C5: variants seen among roughly 807,000 people sequenced by gnomAD.
The protein encoded by C5 is C3 and PZP-like alpha-2-macroglobulin domain-containing protein 4.
A neutral mutation model predicts 218.8 loss-of-function variants in C5; 140 were observed. The ratio of observed to expected loss-of-function variants is 0.64; its 90% CI spans 0.56 to 0.74. The LOEUF is 0.74. Among genes scored for constraint, C5 ranks in the 30% least tolerant of loss-of-function variants. C5 has a pLI of 0.00. For synonymous variants in C5, 614 were observed against 682.3 expected (o/e 0.90, Z 1.56); for missense variants, 1,700 against 1,969.6 (o/e 0.86, Z 2.59).
chr9:120,972,960 G>A (rs1440504222), intron 30 of C5, among the ~76,000 whole-genome samples: 3 of 152,202 alleles, frequency 2.0e-5, no homozygotes, highest in Admixed American at 6.5e-5. Flanking sequence ...TTTGGGAAAT[G>A]CTGTGCACTG....
chr9:121,073,676 G>A, the C5 span, among the ~76,000 whole-genome samples: 2 of 151,964 alleles, frequency 1.3e-5, no homozygotes, highest in Non-Finnish European at 2.9e-5. Flanking sequence ...ACCACGCCCG[G>A]GTAATTTTTG....
At position 120,991,929 on chromosome 9, in the gene C5, T is replaced by C. The variant is rs538767487; in HGVS notation, c.2852-649A>G. Among the ~76,000 whole-genome samples the C allele has an allele frequency of 3.3e-5, 5 of 152,352 alleles. No homozygotes were observed. The South Asian group carries it at 1.0e-3, about 32-fold the overall frequency. ...TTAGGTCTATTTTCATTAGTTTAAT[T>C]TTATAGATGAGGAAATTGAGGCTTA... is the stretch of plus-strand genomic sequence containing the variant. On this transcript the variant is annotated intron_variant, in intron 22 of 40. Transcript: ENST00000223642.
chr9:120,981,839 C>T lies in C5; in HGVS notation c.3486+5G>A. 1 of 1,600,762 alleles carries T rather than the reference C, an allele frequency of 6.2e-7. No individual in the cohort carries two copies. Among genetic ancestry groups the T allele is most frequent in the South Asian group, 1.1e-5 (1 of 90,836 alleles). Reference sequence around the variant, plus strand: ...GGGTGTGAGAGAAAGAAAACTCTTACTTACCACCAGGGGGCATATATCGAA... The same window carrying T: ...GGGTGTGAGAGAAAGAAAACTCTTATTTACCACCAGGGGGCATATATCGAA... On this transcript the variant is annotated splice_donor_5th_base_variant and intron_variant, in intron 27 of 40. Coordinates refer to ENST00000223642, the MANE Select transcript of C5 (RefSeq NM_001735.3).
chr9:121,057,083 G>A, the C5 span, among the ~76,000 whole-genome samples: 7 of 152,162 alleles, frequency 4.6e-5, no homozygotes, highest in African/African-American at 1.2e-4. Context: ...CATAGTCAAA[G>A]TGCTGAGGAA....
At chr9:121,055,694 C>T in the C5 span, among the ~76,000 whole-genome samples, 1 of 152,304 alleles carries the variant, frequency 6.6e-6, no homozygotes, top group Non-Finnish European at 1.5e-5. Flanking sequence ...CATCTGCTGA[C>T]TAATGTGGCC....
chr9:120,975,024 T>A (rs140226394), intron 29 of C5, 93 bp from the exon 30 acceptor site: 14 of 1,427,230 alleles, frequency 9.8e-6, no homozygotes, highest in Non-Finnish European at 1.4e-5. Flanking sequence ...TAGGGCAGCA[T>A]TGTCTGGAGA....
At chr9:121,011,254 AT>A (rs1380592068) in intron 17 of C5, among the ~76,000 whole-genome samples, 1 of 152,214 alleles carries the variant, frequency 6.6e-6, no homozygotes, top group East Asian at 1.9e-4. Context: ...ACAAGAATAT[AT>A]AAGGAGTTCA....
Position 121,030,462 on chromosome 9 carries a change from G to C in C5, c.693C>G (p.Ile231Met), listed in dbSNP as rs763915627. The C allele has an allele frequency of 1.3e-6, 2 of 1,547,246 alleles. No individual in the cohort carries two copies. The highest frequency in any genetic ancestry group is 1.8e-6 in the Non-Finnish European group (2 of 1,142,138). ...EYVLPHFSVSIEPEYNFIGYK... is the reference protein window; with the variant it reads ...EYVLPHFSVSMEPEYNFIGYK... Reference sequence around the variant, plus strand: ...AACCAATGAAATTATATTCTGGCTCGATTGAGACAGAAAAATGTGGCAAGA... The same window carrying C: ...AACCAATGAAATTATATTCTGGCTCCATTGAGACAGAAAAATGTGGCAAGA... Residue 231 changes from isoleucine to methionine, a missense_variant, in exon 7 of 41, where the codon ATC (isoleucine) becomes ATG (methionine). Coordinates refer to ENST00000223642, the MANE Select transcript of C5 (RefSeq NM_001735.3).
intron 25 of C5, 98 bp from the exon 26 acceptor site, chr9:120,982,912 T>G: frequency 1.4e-6 from 1 of 732,280 alleles, no homozygotes; most frequent in Non-Finnish European, 2.2e-6. Context: ...GAAAATAACA[T>G]TTTAAAACAT....
At chr9:120,959,264 C>CTTTT (rs747502247) in intron 38 of C5, among the ~76,000 whole-genome samples, 15 of 73,340 alleles carry the variant, frequency 2.0e-4, no homozygotes, top group Admixed American at 2.0e-3. Context: ...TTCTTTCTTT[C>CTTTT]TTTTTTTTTT....
intron 14 of C5, 25 bp downstream of exon 14, chr9:121,017,337 T>C: frequency 6.2e-7 from 1 of 1,613,016 alleles, no homozygotes; most frequent in Non-Finnish European, 8.5e-7. Flanking sequence ...CATGCAACAC[T>C]GCAGCGAGAC....
chr9:121,015,145 G>T, intron 16 of C5, 54 bp downstream of exon 16: 1 of 1,160,590 alleles, frequency 8.6e-7, no homozygotes, highest in Non-Finnish European at 1.3e-6. Flanking sequence ...ATTTTGTCCA[G>T]TTTTTGAATG....
In C5 at chr9:120,966,273, T is replaced by C. The variant is rs372568821; in HGVS notation, c.4221-2535A>G. Among the ~76,000 whole-genome samples the C allele has an allele frequency of 1.5e-3, 222 of 152,376 alleles. 1 individual carries two copies. In the South Asian group the frequency reaches 0.023, roughly 16 times the overall value. ...ATTTCTCCTTGCTTTCTTTTGTATA[T>C]TGATAATCTGGAATTAGGCCTCCTG... is the stretch of plus-strand genomic sequence containing the variant. On this transcript the variant is annotated intron_variant, in intron 33 of 40. Transcript: ENST00000223642.
intron 33 of C5, among the ~76,000 whole-genome samples, chr9:120,967,828 C>T (rs1050090428): frequency 6.6e-6 from 1 of 151,742 alleles, no homozygotes; most frequent in African/African-American, 2.4e-5. Flanking sequence ...CTCAAGCAAT[C>T]CTCCTGCCTC....
chr9:121,047,004 G>A (rs2047633506), intron 1 of C5, among the ~76,000 whole-genome samples: 1 of 152,176 alleles, frequency 6.6e-6, no homozygotes, highest in South Asian at 2.1e-4. Flanking sequence ...TAGAATATGA[G>A]TGAGCTGGGA....
At chr9:120,991,838 T>C (rs1434341105) in intron 22 of C5, among the ~76,000 whole-genome samples, 1 of 152,218 alleles carries the variant, frequency 6.6e-6, no homozygotes, top group Non-Finnish European at 1.5e-5. Flanking sequence ...ACTGATAGAG[T>C]ACCAAGCATG....
the C5 span, among the ~76,000 whole-genome samples, chr9:121,067,518 C>T: frequency 5.7e-3 from 857 of 150,434 alleles, 10 homozygotes; most frequent in African/African-American, 0.019. Flanking sequence ...GAGCCGAGAT[C>T]GCGCCACTGC....
intron 12 of C5, among the ~76,000 whole-genome samples, chr9:121,018,923 G>A (rs1158430536): frequency 1.3e-5 from 2 of 151,982 alleles, no homozygotes; most frequent in African/African-American, 2.4e-5. Flanking sequence ...AAGAAACTGA[G>A]GCTCAGAAAC....
At chr9:120,961,352 A>C (rs1397672821) in intron 37 of C5, 130 bp downstream of exon 37, 11 of 703,036 alleles carry the variant, frequency 1.6e-5, no homozygotes, top group Admixed American at 1.0e-4. Context: ...ATTAGCTTTC[A>C]ATTAGCTGAG....
Sources: allele counts gnomAD v4.1 joint callset (sites outside exome capture counted in the v4.1 genomes callset), GRCh38; gene constraint gnomAD v4.1.1; transcripts MANE v1.5; gene names NCBI Gene and HGNC (gene_info 2026-07-23, HGNC 2026-07-21).